MAX: variants seen among roughly 807,000 people sequenced by gnomAD.
MAX encodes the protein protein max.
A neutral mutation model predicts 22.3 loss-of-function variants in MAX; 3 were observed. That is an observed-to-expected ratio of 0.13 (90% CI 0.06 to 0.35). The LOEUF (loss-of-function observed/expected upper bound fraction) is 0.35, where lower values mean the gene tolerates loss of function less well. Ranked by LOEUF, MAX falls within the 10% of genes least tolerant of loss-of-function variation. The pLI is 1.00. For missense variants in MAX, 119 were observed against 209.4 expected, an observed-to-expected ratio of 0.57 and a Z score of 2.66; for synonymous variants, 72 against 77.7, an observed-to-expected ratio of 0.93 and a Z score of 0.39.
intron 3 of MAX, among the ~76,000 whole-genome samples, chr14:65,019,680 T>A (rs2061850150): frequency 6.6e-6 from 1 of 152,238 alleles, no homozygotes. Flanking sequence ...TACCTGTGGT[T>A]CTTCTACGCA....
At chr14:65,013,125 A>G (rs1595018308) in intron 3 of MAX, among the ~76,000 whole-genome samples, 2 of 152,024 alleles carry the variant, frequency 1.3e-5, no homozygotes, top group East Asian at 1.9e-4. Context: ...TCTGCTTTTT[A>G]TTTGGGTTCC....
At chr14:65,024,896 G>A (rs934791747) in intron 3 of MAX, among the ~76,000 whole-genome samples, 4 of 152,130 alleles carry the variant, frequency 2.6e-5, no homozygotes, top group African/African-American at 9.7e-5. Flanking sequence ...TGGAATTACA[G>A]GCACAAGCCA....
rs199719600 is a variant in MAX, at chr14:65,027,510, C to A, written c.172-21226G>T. On this transcript the variant is annotated intron_variant, in intron 3 of 3. Transcript: ENST00000341653. This position sits in a 1 kb window ranked among gnomAD's most constrained non-coding sequence, Gnocchi z 5.7. ...CAGAAGGTGGCTTTGGAGGAGGACCCGGTCAGTATCCACACCTTGCACCCA... is the reference window on the plus strand; with the variant it reads ...CAGAAGGTGGCTTTGGAGGAGGACCAGGTCAGTATCCACACCTTGCACCCA... The A allele has an allele frequency of 6.2e-7, 1 of 1,614,024 alleles. No individual in the cohort carries two copies. Among genetic ancestry groups the A allele is most frequent in the Admixed American group, 1.7e-5 (1 of 59,988 alleles).
intron 3 of MAX, among the ~76,000 whole-genome samples, chr14:65,042,792 T>G (rs923787326): frequency 6.6e-6 from 1 of 152,184 alleles, no homozygotes; most frequent in African/African-American, 2.4e-5. Flanking sequence ...TAAGTAGAAA[T>G]GAGGAACCGA....
At chr14:65,055,297 C>T (rs901272895) in intron 3 of MAX, among the ~76,000 whole-genome samples, 1 of 152,196 alleles carries the variant, frequency 6.6e-6, no homozygotes, top group South Asian at 2.1e-4. Flanking sequence ...TGAGCCTAGA[C>T]GTGAGCCTGG....
intron 2 of MAX, among the ~76,000 whole-genome samples, chr14:65,098,848 A>T (rs2063743931): frequency 6.6e-6 from 1 of 152,152 alleles, no homozygotes; most frequent in Admixed American, 6.5e-5. Flanking sequence ...AGTTAGCCTA[A>T]CTTCCTAACT....
chr14:65,099,555 CAAACAAAA>C (rs2063769891), intron 2 of MAX, among the ~76,000 whole-genome samples: 4 of 144,846 alleles, frequency 2.8e-5, no homozygotes, highest in African/African-American at 1.0e-4. Context: ...AACAAACAAA[CAAACAAAA>C]AAAACACAAC....
chr14:65,024,088 G>T (rs1358624678), intron 3 of MAX, among the ~76,000 whole-genome samples: 1 of 150,482 alleles, frequency 6.6e-6, no homozygotes, highest in African/African-American at 2.4e-5. Context: ...GGCGACAGAG[G>T]GACACTCCAT....
At position 65,029,688 on chromosome 14, in the gene MAX, A is replaced by AGT. The variant is rs1230555885; in HGVS notation, c.172-23406_172-23405dup. On this transcript the variant is annotated intron_variant, in intron 3 of 3. Transcript: ENST00000341653. This position sits in a 1 kb window ranked among gnomAD's most constrained non-coding sequence, Gnocchi z 4.7. The stretch of plus-strand genomic sequence containing the variant: ...AGCATGTGTTGCTCAAGAAAGGACA[A>AGT]GTTCAGTGTTGAAGTGTAGATGGCC... Among the ~76,000 whole-genome samples the AGT allele has an allele frequency of 6.6e-6, 1 of 152,190 alleles. No individual in the cohort carries two copies. The highest frequency in any genetic ancestry group is 1.5e-5 in the Non-Finnish European group (1 of 68,032).
intron 3 of MAX, among the ~76,000 whole-genome samples, chr14:65,013,636 G>A (rs2061719714): frequency 6.6e-6 from 1 of 152,128 alleles, no homozygotes; most frequent in African/African-American, 2.4e-5. Context: ...TGCAACCTCC[G>A]CCTCAGGTTC....
chr14:65,083,529 AAGAAT>A (rs1026547342), intron 3 of MAX, among the ~76,000 whole-genome samples: 53 of 152,172 alleles, frequency 3.5e-4, no homozygotes, highest in African/African-American at 1.2e-3. Flanking sequence ...AGGTGAGGAA[AAGAAT>A]AGTAGTGCTA....
At chr14:65,050,007 A>T (rs1324305451) in intron 3 of MAX, among the ~76,000 whole-genome samples, 2 of 152,180 alleles carry the variant, frequency 1.3e-5, no homozygotes, top group African/African-American at 4.8e-5. Flanking sequence ...ATTAAATTTT[A>T]AAAATTTTAA....
chr14:65,012,152 T>G lies in MAX; in HGVS notation c.172-5868A>C. The G allele has an allele frequency of 1.4e-6, 1 of 703,710 alleles. No homozygotes were observed. The highest frequency in any genetic ancestry group is 2.3e-6 in the Non-Finnish European group (1 of 426,164). 43.6% of individuals were successfully genotyped at this position (703,710 alleles called of 1,614,324 possible). Reference sequence around the variant, plus strand: ...TCAGACAAGAGCTTCTTTTCTCTGGTTTAGTTGCTCTTTGGAACCAGAGAA... The same window carrying G: ...TCAGACAAGAGCTTCTTTTCTCTGGGTTAGTTGCTCTTTGGAACCAGAGAA... On this transcript the variant is annotated intron_variant, in intron 3 of 3. Transcript: ENST00000341653. This position sits in a 1 kb window ranked among gnomAD's most constrained non-coding sequence, Gnocchi z 5.0.
At chr14:65,021,820 A>G (rs2061891497) in intron 3 of MAX, among the ~76,000 whole-genome samples, 1 of 152,054 alleles carries the variant, frequency 6.6e-6, no homozygotes, top group South Asian at 2.1e-4. Context: ...TAATTTTTGT[A>G]TTTTTAGTAG....
At chr14:65,092,625 G>A (rs530809590) in intron 3 of MAX, among the ~76,000 whole-genome samples, 94 of 152,242 alleles carry the variant, frequency 6.2e-4, no homozygotes, top group African/African-American at 2.1e-3. Flanking sequence ...TGCAATACCA[G>A]GTATGTACAT....
rs759806003 is a variant in MAX at position 65,084,257 on chromosome 14, G to A, written c.172-6221C>T. 1.9e-5 allele frequency: 30 copies of A among 1,613,268 alleles called. No individual in the cohort carries two copies. The highest frequency in any genetic ancestry group is 2.2e-5 in the East Asian group (1 of 44,884). The stretch of plus-strand genomic sequence containing the variant: ...TGGCATTTCTGCATCAAACTTTGAC[G>A]ATGAAGGACAGGAGTACACAATTTC... On this transcript the variant is annotated intron_variant, in intron 3 of 4. Coordinates refer to ENST00000358664, the MANE Select transcript of MAX (RefSeq NM_002382.5). This position sits in a 1 kb window ranked among gnomAD's most constrained non-coding sequence, Gnocchi z 4.3.
downstream of MAX, among the ~76,000 whole-genome samples, chr14:65,074,006 C>T (rs2063013943): frequency 6.6e-6 from 1 of 152,202 alleles, no homozygotes; most frequent in Non-Finnish European, 1.5e-5. Context: ...GGGACACCAC[C>T]TGTCCTCATG....
chr14:65,089,756 T>TAAAAAAAAAAAAAAAAAA (rs55883101), intron 3 of MAX, among the ~76,000 whole-genome samples: 1 of 36,096 alleles, frequency 2.8e-5, no homozygotes, highest in Non-Finnish European at 5.8e-5. Context: ...AGCATCTCTG[T>TAAAAAAAAAAAAAAAAAA]AAAAAAAAAA....
At chr14:65,049,342 T>C (rs942000077) in intron 3 of MAX, among the ~76,000 whole-genome samples, 1 of 152,188 alleles carries the variant, frequency 6.6e-6, no homozygotes, top group African/African-American at 2.4e-5. Context: ...CTATCAGTTA[T>C]GGTGTGGAAA....
Sources: gnomAD v4.1 joint callset for allele counts (sites outside exome capture counted in the v4.1 genomes callset) on GRCh38, gnomAD v4.1.1 for gene constraint, Gnocchi (gnomAD v3.1) non-coding constraint, MANE v1.5 for transcripts, NCBI Gene and HGNC (gene_info 2026-07-23, HGNC 2026-07-21) for gene names.